The following CCDC50 variants were observed in gnomAD, a reference collection of about 807,000 sequenced individuals.
CCDC50 encodes coiled-coil domain-containing protein 50.
Under a neutral mutation model 70.2 loss-of-function variants are expected in CCDC50, and 54 were observed. That is an observed-to-expected ratio of 0.77 (90% CI 0.62 to 0.96). The LOEUF (loss-of-function observed/expected upper bound fraction) is 0.96. Among genes scored for constraint, CCDC50 ranks in the 50% least tolerant of loss-of-function variants. The pLI is 0.00. For synonymous variants in CCDC50, 216 were observed against 198.8 expected, an observed-to-expected ratio of 1.09 and a Z score of -0.73; for missense variants, 558 against 578.7, an observed-to-expected ratio of 0.96 and a Z score of 0.37.
Position 191,370,252 on chromosome 3 carries a change from T to C in CCDC50, c.448+216T>C, listed in dbSNP as rs912825845. The C allele has an allele frequency of 1.2e-4, 50 of 431,374 alleles. 1 individual carries two copies. The highest frequency in any genetic ancestry group is 1.5e-3 in the Middle Eastern group (2 of 1,336). The allele number at this position is 431,374 out of a possible 1,614,324, so 26.7% of individuals were successfully genotyped here. On this transcript the variant is annotated intron_variant, in intron 5 of 11. Coordinates refer to ENST00000392455, the MANE Select transcript of CCDC50 (RefSeq NM_178335.3). ...ATTATACTTTAAGTTTTAGGGTACATGTGCACAACGTGCAGGTTTGTTACA... is the reference window on the plus strand; with the variant it reads ...ATTATACTTTAAGTTTTAGGGTACACGTGCACAACGTGCAGGTTTGTTACA...
At chr3:191,383,786 T>TAAAA (rs1367700034) in intron 10 of CCDC50, among the ~76,000 whole-genome samples, 1 of 152,182 alleles carries the variant, frequency 6.6e-6, no homozygotes, top group African/African-American at 2.4e-5. Context: ...TAGTGGCATA[T>TAAAA]TCTGTCTAGT....
chr3:191,368,638 A>G (rs1179657662), intron 4 of CCDC50, among the ~76,000 whole-genome samples: 1 of 152,086 alleles, frequency 6.6e-6, no homozygotes, highest in Non-Finnish European at 1.5e-5. Context: ...ATTCGCACCT[A>G]TTCATAAAAT....
chr3:191,353,337 T>C (rs1277748813), intron 1 of CCDC50, among the ~76,000 whole-genome samples: 1 of 141,588 alleles, frequency 7.1e-6, no homozygotes, highest in East Asian at 1.9e-4. Flanking sequence ...TAGAGTTGGC[T>C]TACGGCAAGA....
intron 1 of CCDC50, among the ~76,000 whole-genome samples, chr3:191,356,591 T>C (rs1039848694): frequency 6.6e-6 from 1 of 152,250 alleles, no homozygotes; most frequent in Non-Finnish European, 1.5e-5. Flanking sequence ...AGTGAAAATA[T>C]ATTTTTTCTT....
intron 3 of CCDC50, among the ~76,000 whole-genome samples, chr3:191,358,547 T>A (rs1162155336): frequency 6.6e-6 from 1 of 152,238 alleles, no homozygotes; most frequent in East Asian, 1.9e-4. Flanking sequence ...TGTTTGCCGC[T>A]CTTACTTTCC....
chr3:191,387,150 A>C (rs886209533), intron 10 of CCDC50, among the ~76,000 whole-genome samples: 1 of 152,180 alleles, frequency 6.6e-6, no homozygotes, highest in Non-Finnish European at 1.5e-5. Flanking sequence ...TGTTCTCATG[A>C]GTTTATAATC....
Position 191,397,370 on chromosome 3 carries a change from C to T in CCDC50, c.*5610C>T, listed in dbSNP as rs1433681995. The stretch of plus-strand genomic sequence containing the variant: ...CTATGGTCTCTAATTTCAGCTCTTG[C>T]TGTAAACTGCAAGCCAAATGCTCTT... On this transcript the variant is annotated 3_prime_UTR_variant, in exon 12 of 12. Coordinates refer to ENST00000392455, the MANE Select transcript of CCDC50 (RefSeq NM_178335.3). 6.6e-6 allele frequency: 1 copy of T among 152,166 alleles called. No homozygotes were observed. Among genetic ancestry groups the T allele is most frequent in the Non-Finnish European group, 1.5e-5 (1 of 68,030 alleles). The allele number at this position is 152,166 out of a possible 1,614,324, so 9.4% of individuals were successfully genotyped here.
At chr3:191,361,033 A>G in intron 3 of CCDC50, 36 bp from the exon 4 acceptor site, 1 of 1,374,316 alleles carries the variant, frequency 7.3e-7, no homozygotes, top group Non-Finnish European at 1.0e-6. Flanking sequence ...ATTATTTTTT[A>G]TTTTCCTTAT....
chr3:191,371,233 G>C (rs1365888414), intron 5 of CCDC50, among the ~76,000 whole-genome samples: 1 of 152,012 alleles, frequency 6.6e-6, no homozygotes, highest in African/African-American at 2.4e-5. Flanking sequence ...CGCTTCTCTG[G>C]TGCCTGCTTT....
intron 1 of CCDC50, among the ~76,000 whole-genome samples, chr3:191,355,555 A>G (rs1712249476): frequency 6.6e-6 from 1 of 152,190 alleles, no homozygotes; most frequent in Non-Finnish European, 1.5e-5. Context: ...CCCTGTCACC[A>G]GTGAACTCTG....
intron 4 of CCDC50, among the ~76,000 whole-genome samples, chr3:191,363,873 A>G (rs1474608919): frequency 6.6e-6 from 1 of 152,170 alleles, no homozygotes; most frequent in Non-Finnish European, 1.5e-5. Context: ...GCTGTCTAGT[A>G]TGTTGTCAAT....
chr3:191,352,499 A>G (rs1560159766), intron 1 of CCDC50, among the ~76,000 whole-genome samples: 1 of 142,112 alleles, frequency 7.0e-6, no homozygotes, highest in African/African-American at 2.5e-5. Flanking sequence ...TGGACAAACT[A>G]TGTGTTTTAC....
At chr3:191,362,056 T>C (rs558112440) in intron 4 of CCDC50, among the ~76,000 whole-genome samples, 1 of 152,364 alleles carries the variant, frequency 6.6e-6, no homozygotes, top group South Asian at 2.1e-4. Context: ...AAATTACTAA[T>C]AGTGTTTGGT....
chr3:191,379,672 T>C (rs187989324), intron 6 of CCDC50, among the ~76,000 whole-genome samples: 1 of 152,268 alleles, frequency 6.6e-6, no homozygotes, highest in Admixed American at 6.5e-5. Flanking sequence ...TATTATCACA[T>C]GACTGCCAGG....
intron 9 of CCDC50, among the ~76,000 whole-genome samples, chr3:191,381,780 G>A (rs1713329865): frequency 6.6e-6 from 1 of 152,070 alleles, no homozygotes; most frequent in Non-Finnish European, 1.5e-5. Flanking sequence ...CCTAGGTTGT[G>A]TATTCCTTAC....
chr3:191,346,256 CTCTT>C (rs1365904685), intron 1 of CCDC50, among the ~76,000 whole-genome samples: 4 of 152,244 alleles, frequency 2.6e-5, no homozygotes, highest in East Asian at 3.9e-4. Flanking sequence ...ACATGTATCT[CTCTT>C]TATTATGAAA....
intron 4 of CCDC50, among the ~76,000 whole-genome samples, chr3:191,364,325 C>T (rs1328822900): frequency 6.6e-6 from 1 of 151,752 alleles, no homozygotes; most frequent in Non-Finnish European, 1.5e-5. Flanking sequence ...CCTCAGCCTC[C>T]CAAAGTGCTG....
At chr3:191,370,704 G>T (rs1376179633) in intron 5 of CCDC50, among the ~76,000 whole-genome samples, 4 of 151,910 alleles carry the variant, frequency 2.6e-5, no homozygotes, top group Admixed American at 6.6e-5. Flanking sequence ...GGCCAGGCTG[G>T]TCTTGAACTC....
At chr3:191,339,763 G>C (rs1464848648) in intron 1 of CCDC50, among the ~76,000 whole-genome samples, 1 of 152,148 alleles carries the variant, frequency 6.6e-6, no homozygotes, top group East Asian at 1.9e-4. Context: ...CTGATAACAT[G>C]GTCTCCATTT....
Sources: gnomAD v4.1 joint callset for allele counts (sites outside exome capture counted in the v4.1 genomes callset) on GRCh38, gnomAD v4.1.1 for gene constraint, MANE v1.5 for transcripts, NCBI Gene and HGNC (gene_info 2026-07-23, HGNC 2026-07-21) for gene names.